FGF18: variants seen among roughly 807,000 people sequenced by gnomAD.
FGF18 encodes fibroblast growth factor 18.
FGF18 carries 5 observed loss-of-function variants against 23.0 expected under a neutral mutation model. The observed-to-expected ratio is 0.22, with a 90% CI of 0.11 to 0.46. The LOEUF (loss-of-function observed/expected upper bound fraction) is 0.46, where lower values mean the gene tolerates loss of function less well. Among genes scored for constraint, FGF18 ranks in the 20% least tolerant of loss-of-function variants. The pLI, the probability that FGF18 is intolerant of heterozygous loss-of-function variation, is 0.99. For missense variants in FGF18, 180 were observed against 291.6 expected (o/e 0.62, Z 2.79); for synonymous variants, 117 against 118.9 (o/e 0.98, Z 0.10).
chr5:171,423,494 G>A (rs1488020827), intron 2 of FGF18, among the ~76,000 whole-genome samples: 6 of 152,202 alleles, frequency 3.9e-5, no homozygotes, highest in East Asian at 1.9e-4. Flanking sequence ...GGCATGAGGC[G>A]GGCCAGGCTC....
At chr5:171,442,555 G>A (rs1772361887) in intron 3 of FGF18, among the ~76,000 whole-genome samples, 2 of 152,204 alleles carry the variant, frequency 1.3e-5, no homozygotes, top group South Asian at 4.1e-4. Flanking sequence ...CCCCTCCCTG[G>A]CTCCCAGCTC....
In FGF18 at chr5:171,451,791, C is replaced by T. The variant is rs1772514286; in HGVS notation, c.357+2538C>T. Among the ~76,000 whole-genome samples the T allele has an allele frequency of 6.6e-6, 1 of 152,230 alleles. No individual in the cohort carries two copies. The highest frequency in any genetic ancestry group is 1.5e-5 in the Non-Finnish European group (1 of 68,042). The stretch of plus-strand genomic sequence containing the variant: ...GTTCCATGGACGGGGCCTTCGGGCA[C>T]TGTCCATGCTGTGCCCTCTGCCGGG... On this transcript the variant is annotated intron_variant, in intron 4 of 4. Transcript: ENST00000274625. This position sits in a 1 kb window ranked among gnomAD's most constrained non-coding sequence, Gnocchi z 4.5.
chr5:171,449,009 C>A, intron 3 of FGF18, 138 bp from the exon 4 acceptor site: 1 of 669,770 alleles, frequency 1.5e-6, no homozygotes, highest in Non-Finnish European at 2.7e-6. Context: ...TCCTGTGGGA[C>A]TTGTTAGGCC....
At chr5:171,432,962 C>T (rs1048066738) in intron 2 of FGF18, among the ~76,000 whole-genome samples, 2 of 152,162 alleles carry the variant, frequency 1.3e-5, no homozygotes, top group African/African-American at 4.8e-5. Flanking sequence ...GTAGAGTGTT[C>T]GGGGGCCCTC....
Position 171,451,474 on chromosome 5 carries a change from G to T in FGF18, c.357+2221G>T, listed in dbSNP as rs1172989418. On this transcript the variant is annotated intron_variant, in intron 4 of 4. Coordinates refer to ENST00000274625, the MANE Select transcript of FGF18 (RefSeq NM_003862.3). The surrounding 1 kb of genome is among the most constrained non-coding windows in gnomAD (Gnocchi z 4.5). Reference sequence around the variant, plus strand: ...CCTTAGGCCCTGGGTGTCCCCTCCTGCCCTAACCCCTGCCACCGCCTCTGT... The same window carrying T: ...CCTTAGGCCCTGGGTGTCCCCTCCTTCCCTAACCCCTGCCACCGCCTCTGT... Among the ~76,000 whole-genome samples the T allele has an allele frequency of 6.6e-6, 1 of 152,148 alleles. No homozygotes were observed. Among genetic ancestry groups the T allele is most frequent in the African/African-American group, 2.4e-5 (1 of 41,448 alleles).
Position 171,420,032 on chromosome 5 carries a change from C to A in FGF18, c.-168C>A. On this transcript the variant is annotated 5_prime_UTR_variant, in exon 1 of 5. Coordinates refer to ENST00000274625, the MANE Select transcript of FGF18 (RefSeq NM_003862.3). The stretch of plus-strand genomic sequence containing the variant: ...GGGGCGCTGATGCCGCAGGGCGCGC[C>A]GCGGAGCGCCCCGGAGCAGCAGAGT... The A allele has an allele frequency of 2.8e-6, 1 of 362,080 alleles. No homozygotes were observed. Among genetic ancestry groups the A allele is most frequent in the Non-Finnish European group, 4.4e-6 (1 of 224,996 alleles). The allele number at this position is 362,080 out of a possible 1,614,324, so 22.4% of individuals were successfully genotyped here.
Position 171,456,941 on chromosome 5 carries a change from C to T in FGF18, c.*136C>T. ...CATTGTGTTTAAAAGAAGACAAAAA[C>T]TGAACCAAAACTCTTGGGGGGAGGG... On this transcript the variant is annotated 3_prime_UTR_variant, in exon 5 of 5. Transcript: ENST00000274625. This position sits in a 1 kb window ranked among gnomAD's most constrained non-coding sequence, Gnocchi z 6.1. 1.7e-6 allele frequency: 2 copies of T among 1,161,624 alleles called. No individual in the cohort carries two copies. Among genetic ancestry groups the T allele is most frequent in the Non-Finnish European group, 2.4e-6 (2 of 845,754 alleles). The allele number at this position is 1,161,624 out of a possible 1,614,324, so 72.0% of individuals were successfully genotyped here.
At chr5:171,432,056 A>G (rs1015308694) in intron 2 of FGF18, among the ~76,000 whole-genome samples, 2 of 152,132 alleles carry the variant, frequency 1.3e-5, no homozygotes, top group African/African-American at 4.8e-5. Flanking sequence ...CTCAAAAAAG[A>G]AAAAAGAGTT....
intron 2 of FGF18, among the ~76,000 whole-genome samples, chr5:171,435,460 T>G (rs913239457): frequency 1.3e-5 from 2 of 152,178 alleles, no homozygotes; most frequent in African/African-American, 4.8e-5. Flanking sequence ...TGGTGGCAGA[T>G]GCAAAACAAA....
chr5:171,422,037 G>GTT (rs995260712), intron 2 of FGF18, among the ~76,000 whole-genome samples: 20 of 152,282 alleles, frequency 1.3e-4, no homozygotes, highest in African/African-American at 4.6e-4. Flanking sequence ...CCAGAGTGCT[G>GTT]TGCCTGGGGG....
At chr5:171,449,982 T>C (rs1772474406) in intron 4 of FGF18, among the ~76,000 whole-genome samples, 1 of 151,858 alleles carries the variant, frequency 6.6e-6, no homozygotes, top group Admixed American at 6.6e-5. Flanking sequence ...GGTGTTCCAA[T>C]GGAAGGTGTT....
At chr5:171,423,651 C>T (rs1772053111) in intron 2 of FGF18, among the ~76,000 whole-genome samples, 1 of 152,322 alleles carries the variant, frequency 6.6e-6, no homozygotes, top group South Asian at 2.1e-4. Flanking sequence ...GGCCTGACCA[C>T]CCCCACACCC....
chr5:171,455,969 A>G (rs1045377228), intron 4 of FGF18, among the ~76,000 whole-genome samples: 7 of 152,166 alleles, frequency 4.6e-5, no homozygotes, highest in Admixed American at 6.5e-5. Flanking sequence ...AGTTTACTCC[A>G]CAGATCCAGG....
At chr5:171,429,515 G>A (rs115627605) in intron 2 of FGF18, among the ~76,000 whole-genome samples, 2,483 of 152,306 alleles carry the variant, frequency 0.016, 37 homozygotes, top group Non-Finnish European at 0.027. Context: ...TGACTTTATC[G>A]GGAACCCCCA....
chr5:171,423,287 G>T (rs773012105), intron 2 of FGF18, among the ~76,000 whole-genome samples: 1 of 152,332 alleles, frequency 6.6e-6, no homozygotes, highest in Middle Eastern at 3.4e-3. Flanking sequence ...TCAGGACACC[G>T]TAGATAGCTC....
intron 4 of FGF18, among the ~76,000 whole-genome samples, chr5:171,453,187 G>T (rs1175740621): frequency 6.6e-6 from 1 of 152,204 alleles, no homozygotes; most frequent in African/African-American, 2.4e-5. Context: ...GCTGTGGTGA[G>T]CAGGGTCATA....
chr5:171,444,412 C>T (rs889731655), intron 3 of FGF18, among the ~76,000 whole-genome samples: 9 of 152,180 alleles, frequency 5.9e-5, no homozygotes, highest in African/African-American at 1.4e-4. Flanking sequence ...TTCTAACCTC[C>T]TGGGATGGTG....
intron 3 of FGF18, among the ~76,000 whole-genome samples, chr5:171,442,844 CCAAT>C (rs981463084): frequency 1.3e-5 from 2 of 152,200 alleles, no homozygotes; most frequent in African/African-American, 4.8e-5. Flanking sequence ...GATTAGTCAA[CCAAT>C]CAATCAGTCA....
At position 171,424,224 on chromosome 5, in the gene FGF18, AGAGC is replaced by A. The variant is rs1018438054; in HGVS notation, c.69+3782_69+3785del. On this transcript the variant is annotated intron_variant, in intron 2 of 4. Transcript: ENST00000274625. The stretch of plus-strand genomic sequence containing the variant: ...TAAAGGGAGAAAGTGCCAGATGAAC[AGAGC>A]CTTGTCTATTCTGCCCCCTCCTCTC... Among the ~76,000 whole-genome samples the A allele has an allele frequency of 4.7e-4, 71 of 152,384 alleles. 1 individual carries two copies. Among genetic ancestry groups the A allele is most frequent in the Admixed American group, 4.2e-3 (65 of 15,308 alleles).
Sources: allele counts gnomAD v4.1 joint callset (sites outside exome capture counted in the v4.1 genomes callset), GRCh38; gene constraint gnomAD v4.1.1; non-coding constraint Gnocchi (gnomAD v3.1); transcripts MANE v1.5; gene names NCBI Gene and HGNC (gene_info 2026-07-23, HGNC 2026-07-21).